The following ABR variants were observed in gnomAD, a reference collection of about 807,000 sequenced individuals.
The protein encoded by ABR is ABR activator of RhoGEF and GTPase.
ABR carries 35 observed loss-of-function variants against 107.2 expected under a neutral mutation model. That is an observed-to-expected ratio of 0.33 (90% CI 0.25 to 0.43). The LOEUF is 0.43. ABR is among the 20% of genes least tolerant of loss of function. ABR has a pLI of 1.00. For missense variants in ABR, 815 were observed against 1,115.2 expected, an observed-to-expected ratio of 0.73 and a Z score of 3.83; for synonymous variants, 498 against 462.0, an observed-to-expected ratio of 1.08 and a Z score of -1.00.
At chr17:1,218,786 T>G (rs529983796) in intron 1 of ABR, among the ~76,000 whole-genome samples, 5 of 152,284 alleles carry the variant, frequency 3.3e-5, no homozygotes, top group South Asian at 2.1e-4. Context: ...GATGAGTAGG[T>G]CACCAAGATG....
chr17:1,211,638 G>A (rs1475426881), intron 1 of ABR, among the ~76,000 whole-genome samples: 2 of 152,194 alleles, frequency 1.3e-5, no homozygotes, highest in African/African-American at 2.4e-5. Context: ...GCACAGAGAC[G>A]TGAAATAACG....
rs1181953353 is a variant in ABR, at chr17:1,203,382, T to G, written c.838+25411A>C. Among the ~76,000 whole-genome samples, 20 of 47,750 alleles carry G rather than the reference T, an allele frequency of 4.2e-4. 1 individual carries two copies. The highest frequency in any genetic ancestry group is 1.4e-3 in the East Asian group (2 of 1,440). The allele number at this position is 47,750 out of a possible 152,430, so 31.3% of individuals were successfully genotyped here. A position where few individuals can be genotyped will look rare whatever the true frequency, so the allele number is the denominator to read the frequency against. ...GGCGGTCCCCCGTGGGGGCGGGGCC[T>G]TGAGGGGGCGGGGCCCGCGGGGGGC... On this transcript the variant is annotated intron_variant, in intron 1 of 22. Coordinates refer to the ABR transcript ENST00000574139.
upstream of ABR, among the ~76,000 whole-genome samples, chr17:1,181,130 T>G (rs1459837260): frequency 6.6e-6 from 1 of 151,992 alleles, no homozygotes; most frequent in Non-Finnish European, 1.5e-5. Context: ...CAGCCTGGCC[T>G]TTGCCGGGGG....
intron 1 of ABR, among the ~76,000 whole-genome samples, chr17:1,160,364 T>G (rs1431778981): frequency 6.6e-6 from 1 of 151,682 alleles, no homozygotes; most frequent in East Asian, 1.9e-4. Context: ...TTAAGCAAAG[T>G]TCATGAAATG....
chr17:1,098,419 T>C lies in ABR; in HGVS notation c.345+2218A>G, dbSNP rs1167741769. Among the ~76,000 whole-genome samples the C allele has an allele frequency of 3.9e-5, 6 of 152,236 alleles. No homozygotes were observed. In the South Asian group the frequency reaches 1.0e-3, roughly 26 times the overall value. The stretch of plus-strand genomic sequence containing the variant: ...AACCCACAACAGGTGTAAGACACCA[T>C]GGGCCCGGCAATTACATATATATAC... On this transcript the variant is annotated intron_variant, in intron 3 of 22. Transcript: ENST00000302538.
chr17:1,057,719 TAGAG>T (rs1358411067), intron 12 of ABR: 20 of 438,774 alleles, frequency 4.6e-5, no homozygotes, highest in African/African-American at 3.1e-4. Flanking sequence ...GAGAGAGAGG[TAGAG>T]AGAGAGAGAA....
chr17:1,160,519 C>T (rs1012375659), intron 1 of ABR, among the ~76,000 whole-genome samples: 2 of 152,192 alleles, frequency 1.3e-5, no homozygotes, highest in African/African-American at 4.8e-5. Context: ...AGTGAATGTC[C>T]GTTCATTCAT....
chr17:1,023,119 A>ACAGCGCCTCTGCCGGCCCCACGTCCACTC (rs772945445), intron 16 of ABR, among the ~76,000 whole-genome samples: 15 of 99,016 alleles, frequency 1.5e-4, no homozygotes, highest in Admixed American at 1.9e-4. Context: ...CACGTCCACT[A>ACAGCGCCTCTGCCGGCCCCACGTCCACTC]CAGCGCCTCT....
At position 1,027,494 on chromosome 17, in the gene ABR, T is replaced by C. The variant is rs2072287646; in HGVS notation, c.1792-14330A>G. On this transcript the variant is annotated intron_variant, in intron 16 of 22. Transcript: ENST00000302538. The surrounding 1 kb of genome is among the most constrained non-coding windows in gnomAD (Gnocchi z 4.7). The stretch of plus-strand genomic sequence containing the variant: ...CGCTCTGCGGACTCAAGCAAGCCTC[T>C]TGGGAGCTGGCCTGGCAGAGAGATC... Among the ~76,000 whole-genome samples the C allele has an allele frequency of 6.6e-6, 1 of 152,174 alleles. No individual in the cohort carries two copies. The highest frequency in any genetic ancestry group is 1.5e-5 in the Non-Finnish European group (1 of 68,010).
rs75150695 is a variant in ABR at position 1,159,668 on chromosome 17, A to G, written c.61+19999T>C. Among the ~76,000 whole-genome samples the G allele has an allele frequency of 4.1e-3, 119 of 28,894 alleles. No individual in the cohort carries two copies. The East Asian group carries it at 0.062, about 15-fold the overall frequency. The allele number at this position is 28,894 out of a possible 152,430, so 19.0% of individuals were successfully genotyped here. Reference sequence around the variant, plus strand: ...GCGGTACTCACACACAGGAGAAGTAAGAATGCGGTACTCACACACAGGAGA... The same window carrying G: ...GCGGTACTCACACACAGGAGAAGTAGGAATGCGGTACTCACACACAGGAGA... On this transcript the variant is annotated intron_variant, in intron 1 of 22. Transcript: ENST00000302538.
At position 1,108,726 on chromosome 17, in the gene ABR, G is replaced by A. The variant is rs1174492745; in HGVS notation, c.247-7991C>T. ...CCGGAGCCCTGAGCTGGGCTGGCCT[G>A]GAGGGGGCGGCCACCACTGCCCCGA... On this transcript the variant is annotated intron_variant, in intron 2 of 22. Coordinates refer to ENST00000302538, the MANE Select transcript of ABR (RefSeq NM_021962.5). Among the ~76,000 whole-genome samples the A allele has an allele frequency of 2.0e-5, 3 of 152,102 alleles. No individual in the cohort carries two copies. In the East Asian group the frequency reaches 5.8e-4, roughly 30 times the overall value.
At chr17:1,017,531 G>GT (rs1373050843) in intron 16 of ABR, among the ~76,000 whole-genome samples, 2 of 143,730 alleles carry the variant, frequency 1.4e-5, no homozygotes, top group Non-Finnish European at 3.0e-5. Flanking sequence ...GTGCAGTGGT[G>GT]TGATCTCGGC....
At chr17:1,185,662 A>AT (rs1229609996) in intron 1 of ABR, among the ~76,000 whole-genome samples, 4,828 of 147,998 alleles carry the variant, frequency 0.033, 160 homozygotes, top group East Asian at 0.13. Context: ...AATAAAAAAA[A>AT]AAAAAAAAAA....
At chr17:1,074,052 G>C (rs1181475332) in intron 6 of ABR, among the ~76,000 whole-genome samples, 1 of 148,018 alleles carries the variant, frequency 6.8e-6, no homozygotes, top group Non-Finnish European at 1.5e-5. Context: ...ACGCCCCGAA[G>C]AGTCCAGCAC....
intron 10 of ABR, among the ~76,000 whole-genome samples, chr17:1,062,242 T>A (rs2586294): frequency 5.1e-4 from 24 of 47,072 alleles, no homozygotes; most frequent in Admixed American, 7.9e-4. Flanking sequence ...GCTGCTGTTA[T>A]GTGAACTGAG....
chr17:1,129,913 C>T (rs539838639), intron 1 of ABR, among the ~76,000 whole-genome samples: 5 of 152,246 alleles, frequency 3.3e-5, no homozygotes, highest in African/African-American at 9.6e-5. Context: ...CACCATTGCA[C>T]GCCAGCCTGG....
At chr17:1,218,014 G>A (rs1356487227) in intron 1 of ABR, among the ~76,000 whole-genome samples, 1 of 152,132 alleles carries the variant, frequency 6.6e-6, no homozygotes, top group Non-Finnish European at 1.5e-5. Context: ...ATTTTTAGTG[G>A]AGACGGGGTT....
In ABR at chr17:1,005,230, C is replaced by A. The variant is rs2069933936; in HGVS notation, c.*850G>T. On this transcript the variant is annotated 3_prime_UTR_variant, in exon 23 of 23. Coordinates refer to ENST00000302538, the MANE Select transcript of ABR (RefSeq NM_021962.5). Reference sequence around the variant, plus strand: ...GTCTTTACACTCAAAGGAAATAGAACAGCAGGGAAGGGAACTGAAAAGCAG... The same window carrying A: ...GTCTTTACACTCAAAGGAAATAGAAAAGCAGGGAAGGGAACTGAAAAGCAG... 1 of 398,678 alleles carries A rather than the reference C, an allele frequency of 2.5e-6. No homozygotes were observed. Among genetic ancestry groups the A allele is most frequent in the Non-Finnish European group, 4.4e-6 (1 of 226,106 alleles). 24.7% of individuals were successfully genotyped at this position (398,678 alleles called of 1,614,324 possible). A position where few individuals can be genotyped will look rare whatever the true frequency, so the allele number is the denominator to read the frequency against.
At chr17:1,122,870 G>C (rs1332611623) in intron 2 of ABR, among the ~76,000 whole-genome samples, 3 of 152,216 alleles carry the variant, frequency 2.0e-5, no homozygotes, top group African/African-American at 7.2e-5. Flanking sequence ...GGGCGTGGAA[G>C]GCCCAGCGAT....
Sources: gnomAD v4.1 joint callset for allele counts (sites outside exome capture counted in the v4.1 genomes callset) on GRCh38, gnomAD v4.1.1 for gene constraint, Gnocchi (gnomAD v3.1) non-coding constraint, MANE v1.5 for transcripts, NCBI Gene and HGNC (gene_info 2026-07-23, HGNC 2026-07-21) for gene names.